ELMO1: variants seen among roughly 807,000 people sequenced by gnomAD.
The protein encoded by ELMO1 is engulfment and cell motility protein 1.
Under a neutral mutation model 98.9 loss-of-function variants are expected in ELMO1, and 26 were observed. The observed-to-expected ratio is 0.26, with a 90% CI of 0.19 to 0.36. The LOEUF (loss-of-function observed/expected upper bound fraction) is 0.36. Ranked by LOEUF, ELMO1 falls within the 10% of genes least tolerant of loss-of-function variation. The pLI is 1.00. For missense variants in ELMO1, 627 were observed against 935.2 expected, an observed-to-expected ratio of 0.67 and a Z score of 4.30; for synonymous variants, 346 against 346.0, an observed-to-expected ratio of 1.00 and a Z score of 0.00.
At chr7:36,862,116 C>G (rs1429098743) in intron 20 of ELMO1, 1 of 205,762 alleles carries the variant, frequency 4.9e-6, no homozygotes, top group Non-Finnish European at 1.0e-5. Flanking sequence ...GCCACAAAAA[C>G]AAACAAACAA....
intron 15 of ELMO1, among the ~76,000 whole-genome samples, chr7:37,071,817 T>G (rs1797286053): frequency 6.6e-6 from 1 of 152,158 alleles, no homozygotes; most frequent in Non-Finnish European, 1.5e-5. Context: ...AAAACTAACT[T>G]TGTTAATGCT....
At chr7:36,939,622 T>C (rs905539962) in intron 16 of ELMO1, among the ~76,000 whole-genome samples, 3 of 152,264 alleles carry the variant, frequency 2.0e-5, no homozygotes, top group South Asian at 2.1e-4. Flanking sequence ...ATGGGAAGCA[T>C]TGCTGTGGCT....
Position 37,121,021 on chromosome 7 carries a change from G to C in ELMO1, c.1191+12109C>G, listed in dbSNP as rs532144542. On this transcript the variant is annotated intron_variant, in intron 14 of 21. Coordinates refer to ENST00000310758, the MANE Select transcript of ELMO1 (RefSeq NM_014800.11). Reference sequence around the variant, plus strand: ...CTGATACCCAGGCAAACAGAGTCTGGAGTGGACCTCCAGCAAACTCCAACA... The same window carrying C: ...CTGATACCCAGGCAAACAGAGTCTGCAGTGGACCTCCAGCAAACTCCAACA... Among the ~76,000 whole-genome samples the C allele has an allele frequency of 6.4e-4, 98 of 152,336 alleles. No individual in the cohort carries two copies. In the Middle Eastern group the frequency reaches 0.024, roughly 37 times the overall value.
In ELMO1 at chr7:37,412,387, C is replaced by T. The variant is rs78916348; in HGVS notation, c.-74+36288G>A. Among the ~76,000 whole-genome samples, 865 of 152,270 alleles carry T rather than the reference C, an allele frequency of 5.7e-3. 22 individuals are homozygous for T. In the East Asian group the frequency reaches 0.072, roughly 13 times the overall value. Reference sequence around the variant, plus strand: ...CCCTGACTTCTACTTTATCTGTCTTCTATAGGAGGCTTCTGTGGTAAGATG... The same window carrying T: ...CCCTGACTTCTACTTTATCTGTCTTTTATAGGAGGCTTCTGTGGTAAGATG... On this transcript the variant is annotated intron_variant, in intron 1 of 21. Coordinates refer to ENST00000310758, the MANE Select transcript of ELMO1 (RefSeq NM_014800.11).
At chr7:37,186,578 T>C (rs1041804874) in intron 13 of ELMO1, among the ~76,000 whole-genome samples, 1 of 152,172 alleles carries the variant, frequency 6.6e-6, no homozygotes, top group Non-Finnish European at 1.5e-5. Context: ...AGGACTTGTA[T>C]CTAGAACATA....
intron 2 of ELMO1, among the ~76,000 whole-genome samples, chr7:37,341,503 G>A (rs1800719066): frequency 6.6e-6 from 1 of 152,154 alleles, no homozygotes; most frequent in South Asian, 2.1e-4. Context: ...CTACCTCAGA[G>A]AGCAGTTAAA....
chr7:37,180,009 C>A (rs1328059364), intron 13 of ELMO1, among the ~76,000 whole-genome samples: 2 of 152,130 alleles, frequency 1.3e-5, no homozygotes, highest in East Asian at 1.9e-4. Context: ...CAGCATCTGA[C>A]AAGTGAATGA....
intron 13 of ELMO1, among the ~76,000 whole-genome samples, chr7:37,150,261 C>G (rs1027915503): frequency 1.2e-4 from 17 of 136,454 alleles, no homozygotes; most frequent in Non-Finnish European, 2.5e-4. Context: ...TTTTTTACAA[C>G]AGGCTATGCG....
At chr7:37,430,324 T>C (rs1804880873) in intron 1 of ELMO1, among the ~76,000 whole-genome samples, 1 of 152,178 alleles carries the variant, frequency 6.6e-6, no homozygotes, top group African/African-American at 2.4e-5. Context: ...CATCTTCCCC[T>C]GCAGAGGGCA....
At chr7:37,263,679 T>C (rs777210208) in intron 5 of ELMO1, among the ~76,000 whole-genome samples, 2 of 152,152 alleles carry the variant, frequency 1.3e-5, no homozygotes, top group Non-Finnish European at 2.9e-5. Flanking sequence ...TGGAATATTC[T>C]GGGCAGCATC....
At chr7:37,366,121 AAAG>A (rs1801893247) in intron 1 of ELMO1, among the ~76,000 whole-genome samples, 1 of 152,200 alleles carries the variant, frequency 6.6e-6, no homozygotes, top group South Asian at 2.1e-4. Flanking sequence ...AAAAGATGAG[AAAG>A]AAAATTCAGA....
rs1251818741 is a variant in ELMO1 at position 37,315,940 on chromosome 7, T to G, written c.99A>C (p.Ile33=). The part of the protein sequence containing the change: ...EIDQKKPLSA[I]IKEVCDGWSL... ...CTTACCCATCACAGACTTCCTTTAT[T>G]ATTGCAGACAGTGGTTTTTTCTGCA... Residue 33 remains isoleucine, a synonymous_variant, in exon 3 of 22, where the codon ATA becomes ATC. Coordinates refer to ENST00000310758, the MANE Select transcript of ELMO1 (RefSeq NM_014800.11). 6.2e-7 allele frequency: 1 copy of G among 1,603,438 alleles called. No individual in the cohort carries two copies. Among genetic ancestry groups the G allele is most frequent in the Non-Finnish European group, 8.5e-7 (1 of 1,177,486 alleles).
At chr7:37,315,772 G>T in intron 3 of ELMO1, 148 bp downstream of exon 3, 1 of 734,062 alleles carries the variant, frequency 1.4e-6, no homozygotes, top group Non-Finnish European at 2.3e-6. Flanking sequence ...GGAAAAGGGT[G>T]TGATATTCCT....
intron 1 of ELMO1, among the ~76,000 whole-genome samples, chr7:37,345,841 T>C (rs1032891755): frequency 1.1e-4 from 17 of 150,998 alleles, no homozygotes; most frequent in Non-Finnish European, 2.4e-4. Flanking sequence ...TACAAAAAAT[T>C]AGCCGGGCGT....
At chr7:37,252,318 C>T (rs1437103642) in intron 6 of ELMO1, among the ~76,000 whole-genome samples, 3 of 152,172 alleles carry the variant, frequency 2.0e-5, no homozygotes, top group Admixed American at 2.0e-4. Flanking sequence ...ATCACGCTAC[C>T]TGACTTCAAA....
intron 14 of ELMO1, among the ~76,000 whole-genome samples, chr7:37,114,674 C>T (rs887971775): frequency 6.6e-6 from 1 of 151,892 alleles, no homozygotes; most frequent in East Asian, 1.9e-4. Context: ...TATACAAAAT[C>T]AAGCATCTAA....
intron 20 of ELMO1, 110 bp from the exon 21 acceptor site, chr7:36,861,846 G>A: frequency 3.9e-6 from 4 of 1,022,130 alleles, no homozygotes; most frequent in African/African-American, 1.6e-5. Flanking sequence ...GTCTAGCCAA[G>A]CGGAGCTGCA....
At chr7:37,172,932 A>T (rs140257644) in intron 13 of ELMO1, among the ~76,000 whole-genome samples, 2 of 152,318 alleles carry the variant, frequency 1.3e-5, no homozygotes, top group East Asian at 3.9e-4. Flanking sequence ...AGCTCCTAGC[A>T]GATTGACTTT....
chr7:37,235,383 G>T (rs1029832977), intron 7 of ELMO1, among the ~76,000 whole-genome samples: 9 of 152,172 alleles, frequency 5.9e-5, no homozygotes, highest in Non-Finnish European at 8.8e-5. Context: ...CATACAGCAT[G>T]AGCAGTAAGC....
Sources: gnomAD v4.1 joint callset for allele counts (sites outside exome capture counted in the v4.1 genomes callset) on GRCh38, gnomAD v4.1.1 for gene constraint, MANE v1.5 for transcripts, NCBI Gene and HGNC (gene_info 2026-07-23, HGNC 2026-07-21) for gene names.